The following CORO2A variants were observed in gnomAD, a reference collection of about 807,000 sequenced individuals.
CORO2A encodes coronin 2A.
CORO2A carries 47 observed loss-of-function variants against 62.4 expected under a neutral mutation model. The ratio of observed to expected loss-of-function variants is 0.75; its 90% CI spans 0.60 to 0.96. The LOEUF is 0.96. Among genes scored for constraint, CORO2A ranks in the 40% least tolerant of loss-of-function variants. The pLI, the probability that CORO2A is intolerant of heterozygous loss-of-function variation, is 0.00. For synonymous variants in CORO2A, 273 were observed against 268.9 expected, an observed-to-expected ratio of 1.02 and a Z score of -0.15; for missense variants, 610 against 684.1, an observed-to-expected ratio of 0.89 and a Z score of 1.21.
intron 2 of CORO2A, among the ~76,000 whole-genome samples, chr9:98,145,346 T>C (rs908556057): frequency 2.0e-5 from 3 of 152,322 alleles, no homozygotes; most frequent in East Asian, 1.9e-4. Context: ...CGTTGTCCTT[T>C]GGGGACCTAT....
chr9:98,127,569 C>T (rs1004862046), intron 10 of CORO2A, among the ~76,000 whole-genome samples: 10 of 151,942 alleles, frequency 6.6e-5, no homozygotes, highest in African/African-American at 2.2e-4. Flanking sequence ...CCCAGCACTT[C>T]GGGAGGCCGA....
In CORO2A at chr9:98,124,621, C is replaced by T. The variant is rs1827290644; in HGVS notation, c.*153G>A. 3 of 745,372 alleles carry T rather than the reference C, an allele frequency of 4.0e-6. No homozygotes were observed. The highest frequency in any genetic ancestry group is 3.9e-5 in the South Asian group (1 of 25,438). The allele number at this position is 745,372 out of a possible 1,614,324, so 46.2% of individuals were successfully genotyped here. A position where few individuals can be genotyped will look rare whatever the true frequency, so the allele number is the denominator to read the frequency against. On this transcript the variant is annotated 3_prime_UTR_variant, in exon 12 of 12. Coordinates refer to ENST00000375077, the MANE Select transcript of CORO2A (RefSeq NM_052820.4). Reference sequence around the variant, plus strand: ...GGCAAACAGAAAAACGGCACCATGTCCCACTGGAATCTCTTTCAGCGATGG... The same window carrying T: ...GGCAAACAGAAAAACGGCACCATGTTCCACTGGAATCTCTTTCAGCGATGG...
chr9:98,129,101 T>C (rs1827369454), intron 8 of CORO2A, among the ~76,000 whole-genome samples: 1 of 152,178 alleles, frequency 6.6e-6, no homozygotes, highest in Non-Finnish European at 1.5e-5. Context: ...TTTTTATTTA[T>C]TTGTAGAGAC....
intron 2 of CORO2A, among the ~76,000 whole-genome samples, chr9:98,140,006 C>T (rs373209904): frequency 6.6e-6 from 1 of 152,086 alleles, no homozygotes; most frequent in East Asian, 1.9e-4. Flanking sequence ...CATAGAGAAA[C>T]CACACCAGTT....
chr9:98,183,504 A>AT (rs2118937453), intron 1 of CORO2A, among the ~76,000 whole-genome samples: 1 of 152,342 alleles, frequency 6.6e-6, no homozygotes, highest in Non-Finnish European at 1.5e-5. Flanking sequence ...CGGCCTGAGT[A>AT]TTTTATTATC....
chr9:98,163,868 G>T (rs1469665597), intron 1 of CORO2A, among the ~76,000 whole-genome samples: 1 of 152,048 alleles, frequency 6.6e-6, no homozygotes, highest in Admixed American at 6.6e-5. Flanking sequence ...CTGCAGGGTG[G>T]CTGAAACTGA....
rs766992834 is a variant in CORO2A, at chr9:98,130,946, C to G, written c.870+9G>C. On this transcript the variant is annotated intron_variant, in intron 7 of 11. Transcript: ENST00000375077. ...CCAGGAGGTCACCTCCCTCCCGTGCCAAGCCGACCTTCCCCACCACGTAGA... is the reference window on the plus strand; with the variant it reads ...CCAGGAGGTCACCTCCCTCCCGTGCGAAGCCGACCTTCCCCACCACGTAGA... 5.0e-6 allele frequency: 8 copies of G among 1,611,864 alleles called. No homozygotes were observed. Among genetic ancestry groups the G allele is most frequent in the Non-Finnish European group, 6.8e-6 (8 of 1,178,970 alleles).
chr9:98,184,105 T>A (rs2118938681), intron 1 of CORO2A, among the ~76,000 whole-genome samples: 1 of 152,354 alleles, frequency 6.6e-6, no homozygotes, highest in African/African-American at 2.4e-5. Flanking sequence ...TATCAGGGAT[T>A]TGAATATCCA....
rs1192892087 is a variant in CORO2A, at chr9:98,121,225, T to C, written c.*3549A>G. 1 of 152,200 alleles carries C rather than the reference T, an allele frequency of 6.6e-6. No individual in the cohort carries two copies. Among genetic ancestry groups the C allele is most frequent in the Non-Finnish European group, 1.5e-5 (1 of 68,040 alleles). 9.4% of individuals were successfully genotyped at this position (152,200 alleles called of 1,614,324 possible). On this transcript the variant is annotated 3_prime_UTR_variant, in exon 12 of 12. Coordinates refer to ENST00000375077, the MANE Select transcript of CORO2A (RefSeq NM_052820.4). ...GTTTTGTTTCAGGAAGCACAATTATTGTAGCGTTAAGGTGGATACCTGCCA... is the reference window on the plus strand; with the variant it reads ...GTTTTGTTTCAGGAAGCACAATTATCGTAGCGTTAAGGTGGATACCTGCCA...
chr9:98,170,599 G>A (rs1381276642), intron 1 of CORO2A, among the ~76,000 whole-genome samples: 2 of 152,052 alleles, frequency 1.3e-5, no homozygotes, highest in Admixed American at 6.6e-5. Flanking sequence ...GCACCACCAC[G>A]CCTGGCTAAT....
chr9:98,136,473 T>A (rs938128665), intron 3 of CORO2A, among the ~76,000 whole-genome samples: 1 of 152,292 alleles, frequency 6.6e-6, no homozygotes, highest in African/African-American at 2.4e-5. Context: ...TTGCCTTGGC[T>A]GCCAGGTAGC....
At chr9:98,160,608 T>G (rs1236138008) in intron 1 of CORO2A, among the ~76,000 whole-genome samples, 1 of 152,180 alleles carries the variant, frequency 6.6e-6, no homozygotes, top group African/African-American at 2.4e-5. Flanking sequence ...GGCAACTTGG[T>G]GGCAGTGGAG....
intron 2 of CORO2A, among the ~76,000 whole-genome samples, chr9:98,152,935 C>G (rs1037083253): frequency 6.6e-6 from 1 of 152,078 alleles, no homozygotes; most frequent in African/African-American, 2.4e-5. Context: ...TAAAGGTCAT[C>G]ATTGGGACAA....
intron 7 of CORO2A, among the ~76,000 whole-genome samples, chr9:98,130,237 C>T (rs901288394): frequency 4.6e-5 from 7 of 152,128 alleles, no homozygotes; most frequent in South Asian, 2.1e-4. Flanking sequence ...TGTGCCACCA[C>T]GCCTGGCTAA....
intron 1 of CORO2A, among the ~76,000 whole-genome samples, chr9:98,160,392 A>C (rs1328419159): frequency 6.6e-6 from 1 of 152,210 alleles, no homozygotes; most frequent in Non-Finnish European, 1.5e-5. Context: ...GAGGAGGTAG[A>C]CCTCAGATTT....
chr9:98,177,461 T>G (rs976034705), intron 1 of CORO2A, among the ~76,000 whole-genome samples: 1 of 97,618 alleles, frequency 1.0e-5, no homozygotes, highest in South Asian at 4.2e-4. Flanking sequence ...AACTTTGTTT[T>G]TTTTTTTTTT....
rs566625403 is a variant in CORO2A at position 98,183,892 on chromosome 9, C to T, written c.-1+8667G>A. 3.8e-3 allele frequency among the ~76,000 whole-genome samples: 577 copies of T among 152,280 alleles called. 3 individuals carry two copies. Among genetic ancestry groups the T allele is most frequent in the South Asian group, 0.021 (100 of 4,824 alleles). On this transcript the variant is annotated intron_variant, in intron 1 of 11. Transcript: ENST00000375077. ...ACAAGAATCACTTGAACCCGGGAGGCGGAGTTTGCAGTGAGCTGAGATTGT... is the reference window on the plus strand; with the variant it reads ...ACAAGAATCACTTGAACCCGGGAGGTGGAGTTTGCAGTGAGCTGAGATTGT...
chr9:98,136,425 T>C (rs1341810954), intron 3 of CORO2A, among the ~76,000 whole-genome samples: 1 of 152,276 alleles, frequency 6.6e-6, no homozygotes, highest in Non-Finnish European at 1.5e-5. Context: ...CTTCTTTTGA[T>C]CTAACTGAAG....
chr9:98,126,722 G>A lies in CORO2A; in HGVS notation c.1273C>T (p.Arg425Trp), dbSNP rs3174288. Residue 425 changes from arginine (R) to tryptophan (W), a missense_variant, in exon 11 of 12, where the codon CGG becomes TGG. Arg to Trp is a moderately radical substitution (Grantham distance 101). Transcript: ENST00000375077. ...AGCTTTTCTGTCTGATTCAAGAGCC[G>A]GGGTGAGGCTGGGGCCATGGAATTG... ...IFNSMAPASP[R>W]LLNQTEKLAA... 77 of 1,614,182 alleles carry A rather than the reference G, an allele frequency of 4.8e-5. 1 individual carries two copies. The East Asian group carries it at 6.7e-4, about 14-fold the overall frequency.
Sources: allele counts gnomAD v4.1 joint callset (sites outside exome capture counted in the v4.1 genomes callset), GRCh38; gene constraint gnomAD v4.1.1; transcripts MANE v1.5; gene names NCBI Gene and HGNC (gene_info 2026-07-23, HGNC 2026-07-21).